Variants in FRMPD4 observed in about 807,000 individuals in gnomAD.
The protein encoded by FRMPD4 is FERM and PDZ domain containing 4.
A neutral mutation model predicts 94.1 loss-of-function variants in FRMPD4; 22 were observed. That is an observed-to-expected ratio of 0.23 (90% confidence interval 0.17 to 0.33). The LOEUF (loss-of-function observed/expected upper bound fraction) is 0.33, where lower values mean the gene tolerates loss of function less well. Among genes scored for constraint, FRMPD4 ranks in the 10% least tolerant of loss-of-function variants. FRMPD4 has a pLI of 1.00. For synonymous variants in FRMPD4, 631 were observed against 548.6 expected (o/e 1.15, Z -2.10); for missense variants, 1,111 against 1,339.9 (o/e 0.83, Z 2.67).
In FRMPD4 at chrX:12,473,728, A is replaced by G. The variant is rs745990478; in HGVS notation, c.42-24952A>G. 4.5e-3 allele frequency among the ~76,000 whole-genome samples: 498 copies of G among 110,376 alleles called. 3 individuals carry two copies. Among genetic ancestry groups the G allele is most frequent in the Middle Eastern group, 0.028 (6 of 215 alleles). ...CAAAAGAGACAAAGAAGGCCATTAC[A>G]TAATGGTAAAGGAATCAATTCAACA... On this transcript the variant is annotated intron_variant, in intron 1 of 16. Coordinates refer to ENST00000675598, the MANE Select transcript of FRMPD4 (RefSeq NM_001368397.1).
At chrX:12,289,493 C>G (rs980697525) in intron 1 of FRMPD4, among the ~76,000 whole-genome samples, 1 of 111,942 alleles carries the variant, frequency 8.9e-6, no homozygotes, top group Non-Finnish European at 1.9e-5. Flanking sequence ...TAGTGGTCAT[C>G]ATATTGGACA....
At chrX:12,428,566 T>C (rs182402972) in intron 1 of FRMPD4, among the ~76,000 whole-genome samples, 18 of 111,738 alleles carry the variant, frequency 1.6e-4, no homozygotes, top group Admixed American at 1.0e-3. Flanking sequence ...TTTCTTTCAC[T>C]GGTGCTGGAT....
chrX:12,496,710 A>AT (rs1012654407), intron 1 of FRMPD4, among the ~76,000 whole-genome samples: 3 of 110,050 alleles, frequency 2.7e-5, no homozygotes, highest in African/African-American at 6.6e-5. Context: ...AGATCCATGT[A>AT]TTTTTTTTGT....
chrX:11,955,151 C>G (rs900002335), intron 3 of FRMPD4, among the ~76,000 whole-genome samples: 1 of 111,005 alleles, frequency 9.0e-6, no homozygotes, highest in African/African-American at 3.3e-5. Flanking sequence ...GATAAAGGCC[C>G]AATCATGAAG....
chrX:12,367,719 G>A (rs895528649), intron 1 of FRMPD4, among the ~76,000 whole-genome samples: 1 of 111,685 alleles, frequency 9.0e-6, no homozygotes, highest in African/African-American at 3.3e-5. Context: ...TCAGGGATTA[G>A]ACATGGAAGG....
At chrX:12,628,660 T>G (rs1356028795) in intron 4 of FRMPD4, among the ~76,000 whole-genome samples, 2 of 112,813 alleles carry the variant, frequency 1.8e-5, no homozygotes, top group Non-Finnish European at 3.7e-5. Context: ...AATCAGCTTC[T>G]GAAAAGACAG....
rs2054921052 is a variant in FRMPD4 at position 12,305,501 on chromosome X, T to C, written c.41+166489T>C. On this transcript the variant is annotated intron_variant, in intron 1 of 16. Coordinates refer to ENST00000675598, the MANE Select transcript of FRMPD4 (RefSeq NM_001368397.1). ...GATGTGGAAATCTTCATAAATGTGC[T>C]GAAGTGTCCTAGGCAGCAAAGCACT... 2.7e-5 allele frequency among the ~76,000 whole-genome samples: 3 copies of C among 110,456 alleles called. No homozygotes were observed. In the Admixed American group the frequency reaches 2.9e-4, roughly 11 times the overall value.
At chrX:12,655,352 GT>G (rs1334002594) in intron 4 of FRMPD4, among the ~76,000 whole-genome samples, 1 of 111,805 alleles carries the variant, frequency 8.9e-6, no homozygotes, top group Non-Finnish European at 1.9e-5. Context: ...CTGTGTGTGT[GT>G]TCCAACAATT....
intron 1 of FRMPD4, among the ~76,000 whole-genome samples, chrX:12,370,707 C>T (rs1410028186): frequency 8.9e-6 from 1 of 112,597 alleles, no homozygotes; most frequent in Non-Finnish European, 1.9e-5. Context: ...TTCTGGTGAA[C>T]CCTGGCCTGT....
intron 1 of FRMPD4, among the ~76,000 whole-genome samples, chrX:12,433,991 C>T (rs894335908): frequency 6.4e-4 from 71 of 111,125 alleles, no homozygotes; most frequent in African/African-American, 2.2e-3. Context: ...TGATAAAATA[C>T]GTATTGTGTT....
intron 1 of FRMPD4, among the ~76,000 whole-genome samples, chrX:12,257,977 G>A (rs1164118589): frequency 1.8e-5 from 2 of 108,953 alleles, no homozygotes; most frequent in Non-Finnish European, 3.8e-5. Flanking sequence ...ACTGCCCTCA[G>A]CCTTTAATAC....
chrX:12,471,463 T>C (rs1213846682), intron 1 of FRMPD4, among the ~76,000 whole-genome samples: 1 of 111,623 alleles, frequency 9.0e-6, no homozygotes, highest in African/African-American at 3.3e-5. Context: ...GTCAGGGGGA[T>C]TCTATCAAGC....
chrX:12,507,307 A>G (rs2057995635), intron 2 of FRMPD4, among the ~76,000 whole-genome samples: 1 of 112,177 alleles, frequency 8.9e-6, no homozygotes, highest in Non-Finnish European at 1.9e-5. Context: ...CATAGTAAAT[A>G]TTTTAGGCTT....
intron 3 of FRMPD4, among the ~76,000 whole-genome samples, chrX:12,610,765 G>A (rs73632691): frequency 0.099 from 7,450 of 75,176 alleles, 433 homozygotes; most frequent in East Asian, 0.28. Context: ...AAAAAAAAGA[G>A]TTTTCCCCAG....
chrX:12,596,754 T>G (rs770947226), intron 2 of FRMPD4, among the ~76,000 whole-genome samples: 1 of 111,400 alleles, frequency 9.0e-6, no homozygotes, highest in Non-Finnish European at 1.9e-5. Context: ...AGCTTACTGC[T>G]ACATAGTTTT....
chrX:12,615,555 G>T (rs926881986), intron 4 of FRMPD4, among the ~76,000 whole-genome samples: 1 of 111,712 alleles, frequency 9.0e-6, no homozygotes, highest in South Asian at 3.8e-4. Flanking sequence ...TAAGGGAAAA[G>T]AGTTCTTTAG....
rs6641071 is a variant in FRMPD4, at chrX:12,677,949, A to G, written c.468+3041A>G. On this transcript the variant is annotated intron_variant, in intron 5 of 16. Coordinates refer to ENST00000675598, the MANE Select transcript of FRMPD4 (RefSeq NM_001368397.1). ...TACTGTTTTTCTTGGGAAAAAAAAT[A>G]CTAAGTGGAAGTATAGAAAGAAATA... Among the ~76,000 whole-genome samples, 941 of 112,634 alleles carry G rather than the reference A, an allele frequency of 8.4e-3. 7 individuals carry two copies. The highest frequency in any genetic ancestry group is 0.028 in the African/African-American group (863 of 31,055).
chrX:11,967,127 AT>A (rs989340785), intron 3 of FRMPD4, among the ~76,000 whole-genome samples: 1 of 112,058 alleles, frequency 8.9e-6, no homozygotes, highest in Admixed American at 9.4e-5. Flanking sequence ...ATATATACTT[AT>A]TTTTTGGAGA....
At chrX:12,184,344 A>G (rs917752564) in intron 1 of FRMPD4, among the ~76,000 whole-genome samples, 1 of 111,767 alleles carries the variant, frequency 8.9e-6, no homozygotes, top group Non-Finnish European at 1.9e-5. Flanking sequence ...GGACATACCT[A>G]CAATACATGG....
Sources: gnomAD v4.1 joint callset for allele counts (sites outside exome capture counted in the v4.1 genomes callset) on GRCh38, gnomAD v4.1.1 for gene constraint, MANE v1.5 for transcripts, NCBI Gene and HGNC (gene_info 2026-07-23, HGNC 2026-07-21) for gene names.